Variants in SLC23A2 observed in about 807,000 individuals in gnomAD.
SLC23A2 encodes the protein solute carrier family 23 member 2.
In SLC23A2, 36 loss-of-function variants were observed where a neutral mutation model predicts 73.3. The ratio of observed to expected loss-of-function variants is 0.49; its 90% confidence interval spans 0.38 to 0.65. The LOEUF (loss-of-function observed/expected upper bound fraction) is 0.65. SLC23A2 is among the 30% of genes least tolerant of loss of function. The pLI, the probability that SLC23A2 is intolerant of heterozygous loss-of-function variation, is 0.00. For synonymous variants in SLC23A2, 343 were observed against 327.3 expected (o/e 1.05, Z -0.52); for missense variants, 507 against 841.6 (o/e 0.60, Z 4.92).
intron 2 of SLC23A2, among the ~76,000 whole-genome samples, chr20:4,955,640 A>T (rs1317031770): frequency 6.6e-6 from 1 of 151,920 alleles, no homozygotes. Flanking sequence ...AATACAAAAA[A>T]ATTAGCCGGG....
At chr20:4,970,114 C>G (rs2087538710) in intron 2 of SLC23A2, among the ~76,000 whole-genome samples, 1 of 152,022 alleles carries the variant, frequency 6.6e-6, no homozygotes, top group Admixed American at 6.6e-5. Flanking sequence ...CACGTATAAA[C>G]CTCACGGAGG....
At chr20:4,981,739 T>A (rs1231083490) in intron 1 of SLC23A2, among the ~76,000 whole-genome samples, 1 of 150,234 alleles carries the variant, frequency 6.7e-6, no homozygotes, top group African/African-American at 2.4e-5. Flanking sequence ...TCTCACTCTG[T>A]TGCCCAGGCT....
chr20:4,995,181 T>C (rs780608721), intron 1 of SLC23A2, among the ~76,000 whole-genome samples: 2 of 152,050 alleles, frequency 1.3e-5, no homozygotes, highest in Non-Finnish European at 2.9e-5. Flanking sequence ...TGTGTGAGCG[T>C]TGAGGTGGTG....
chr20:5,008,927 T>C (rs1177342065), intron 1 of SLC23A2, among the ~76,000 whole-genome samples: 1 of 152,024 alleles, frequency 6.6e-6, no homozygotes, highest in Non-Finnish European at 1.5e-5. Context: ...TCTCCCCTTC[T>C]CAGCTCAGCT....
chr20:4,912,829 G>C, intron 4 of SLC23A2, 51 bp downstream of exon 4: 1 of 1,168,608 alleles, frequency 8.6e-7, no homozygotes. Context: ...GGCAGCACTT[G>C]TGGGAGGGGA....
intron 1 of SLC23A2, among the ~76,000 whole-genome samples, chr20:4,996,342 G>A (rs2088019811): frequency 6.6e-6 from 1 of 152,102 alleles, no homozygotes; most frequent in Non-Finnish European, 1.5e-5. Flanking sequence ...GATGCCTTTG[G>A]GAAGGAAGCC....
chr20:4,916,579 C>A (rs1448061093), intron 3 of SLC23A2, among the ~76,000 whole-genome samples: 1 of 152,118 alleles, frequency 6.6e-6, no homozygotes, highest in East Asian at 1.9e-4. Context: ...ATACATGGCA[C>A]TAAGAAGATA....
chr20:4,971,996 AG>A (rs2087568033), intron 1 of SLC23A2, among the ~76,000 whole-genome samples: 2 of 152,174 alleles, frequency 1.3e-5, no homozygotes, highest in South Asian at 4.1e-4. Flanking sequence ...CTGGGATATG[AG>A]CAGGTACACA....
chr20:4,994,500 G>A (rs1444739874), intron 1 of SLC23A2, among the ~76,000 whole-genome samples: 2 of 152,090 alleles, frequency 1.3e-5, no homozygotes, highest in African/African-American at 4.8e-5. Context: ...AAGAAATTGT[G>A]TTGGCCAGGT....
intron 1 of SLC23A2, among the ~76,000 whole-genome samples, chr20:4,990,821 A>G (rs2087912716): frequency 6.7e-6 from 1 of 149,970 alleles, no homozygotes; most frequent in Non-Finnish European, 1.5e-5. Context: ...TGTCTTTACT[A>G]AAAACACAAA....
intron 3 of SLC23A2, among the ~76,000 whole-genome samples, chr20:4,927,459 C>T (rs1216469448): frequency 2.0e-5 from 3 of 152,194 alleles, no homozygotes; most frequent in Middle Eastern, 3.2e-3. Flanking sequence ...CCCTCTCACA[C>T]GGGTCAGTCA....
At chr20:4,942,616 A>G (rs2087060583) in intron 2 of SLC23A2, among the ~76,000 whole-genome samples, 1 of 152,160 alleles carries the variant, frequency 6.6e-6, no homozygotes, top group Non-Finnish European at 1.5e-5. Flanking sequence ...GCCTGTAATG[A>G]TTTCTTTTGA....
Position 4,883,488 on chromosome 20 carries a change from C to A in SLC23A2, c.824+154G>T, listed in dbSNP as rs61234585. ...ATATGTCACTTCCCAAACTCTGGGT[C>A]AAAAACCCTTCAACTATTCCCCAGC... On this transcript the variant is annotated intron_variant, in intron 9 of 16. Transcript: ENST00000338244. This position sits in a 1 kb window ranked among gnomAD's most constrained non-coding sequence, Gnocchi z 4.5. 0.065 allele frequency among the ~76,000 whole-genome samples: 9,831 copies of A among 152,262 alleles called. 366 individuals are homozygous for A. Among genetic ancestry groups the A allele is most frequent in the Middle Eastern group, 0.092 (27 of 294 alleles).
chr20:4,968,708 C>T (rs941300772), intron 2 of SLC23A2, among the ~76,000 whole-genome samples: 3 of 148,306 alleles, frequency 2.0e-5, no homozygotes, highest in African/African-American at 5.0e-5. Context: ...TTAAAAAGGT[C>T]AGGATGTGTA....
intron 2 of SLC23A2, among the ~76,000 whole-genome samples, chr20:4,964,512 G>C (rs2087442785): frequency 6.6e-6 from 1 of 152,104 alleles, no homozygotes; most frequent in South Asian, 2.1e-4. Flanking sequence ...GGACTGGTTG[G>C]TACAATTGTG....
intron 1 of SLC23A2, among the ~76,000 whole-genome samples, chr20:4,999,929 A>G (rs2088089483): frequency 6.6e-6 from 1 of 152,206 alleles, no homozygotes. Flanking sequence ...ATTTTGGCAA[A>G]GGAAATAGCC....
intron 2 of SLC23A2, among the ~76,000 whole-genome samples, chr20:4,964,614 C>T (rs2087444351): frequency 6.6e-6 from 1 of 152,048 alleles, no homozygotes; most frequent in African/African-American, 2.4e-5. Context: ...GAGAAAAAGA[C>T]AGGCTTACAA....
chr20:4,884,725 C>T, intron 8 of SLC23A2, 28 bp downstream of exon 8: 1 of 1,552,418 alleles, frequency 6.4e-7, no homozygotes, highest in Non-Finnish European at 8.9e-7. Flanking sequence ...CATGAAGAAG[C>T]CAAAAGCAGA....
At chr20:4,901,058 G>T (rs117711816) in intron 5 of SLC23A2, among the ~76,000 whole-genome samples, 6 of 152,316 alleles carry the variant, frequency 3.9e-5, no homozygotes, top group Non-Finnish European at 5.9e-5. Context: ...GACCAGGGAA[G>T]ACTGCTGGGA....
Sources: gnomAD v4.1 joint callset for allele counts (sites outside exome capture counted in the v4.1 genomes callset) on GRCh38, gnomAD v4.1.1 for gene constraint, Gnocchi (gnomAD v3.1) non-coding constraint, MANE v1.5 for transcripts, NCBI Gene and HGNC (gene_info 2026-07-23, HGNC 2026-07-21) for gene names.